Variants in ANO6 observed in about 807,000 individuals in gnomAD.
ANO6 encodes the protein anoctamin-6.
A neutral mutation model predicts 117.5 loss-of-function variants in ANO6; 106 were observed. The ratio of observed to expected loss-of-function variants is 0.90; its 90% CI spans 0.77 to 1.06. The LOEUF (loss-of-function observed/expected upper bound fraction) is 1.06, where lower values mean the gene tolerates loss of function less well. Among genes scored for constraint, ANO6 ranks in the 50% least tolerant of loss-of-function variants. The pLI is 0.00. For missense variants in ANO6, 955 were observed against 1,121.1 expected (o/e 0.85, Z 2.12); for synonymous variants, 367 against 385.1 (o/e 0.95, Z 0.55).
chr12:45,276,196 A>G (rs1168974272), intron 1 of ANO6, among the ~76,000 whole-genome samples: 2 of 152,122 alleles, frequency 1.3e-5, no homozygotes, highest in Non-Finnish European at 2.9e-5. Flanking sequence ...CAGTACTTCT[A>G]CCTTCAAAAT....
At chr12:45,331,196 CTT>C (rs1940649913) in intron 2 of ANO6, 97 bp from the exon 3 acceptor site, 5 of 1,110,336 alleles carry the variant, frequency 4.5e-6, no homozygotes, top group Non-Finnish European at 6.5e-6. Context: ...ATGTATTTCT[CTT>C]TCACAATAAA....
At position 45,388,327 on chromosome 12, in the gene ANO6, C is replaced by CA. The variant is rs754782596; in HGVS notation, c.1308+25dup. Reference sequence around the variant, plus strand: ...AGGTAAGCAGGGTCGTATTTAGGTGCAGTTTAATCTACTTACTGCTGTGGT... The same window carrying CA: ...AGGTAAGCAGGGTCGTATTTAGGTGCAAGTTTAATCTACTTACTGCTGTGGT... On this transcript the variant is annotated intron_variant, in intron 11 of 19. Transcript: ENST00000320560. 2.5e-6 allele frequency: 4 copies of CA among 1,613,230 alleles called. No homozygotes were observed. The African/African-American group carries it at 5.3e-5, about 22-fold the overall frequency.
exon 20 of ANO6, chr12:45,440,250 T>C: frequency 5.5e-6 from 1 of 181,586 alleles, no homozygotes; most frequent in Non-Finnish European, 1.1e-5. Context: ...TTCTTTTTTC[T>C]TTTTTTTGAG....
intron 1 of ANO6, among the ~76,000 whole-genome samples, chr12:45,248,373 G>T (rs896296363): frequency 2.0e-5 from 3 of 150,328 alleles, no homozygotes; most frequent in African/African-American, 7.4e-5. Flanking sequence ...TTTCTTCTGT[G>T]TGCATAAGGA....
intron 7 of ANO6, among the ~76,000 whole-genome samples, chr12:45,352,507 G>T (rs557919520): frequency 5.4e-5 from 8 of 148,500 alleles, no homozygotes; most frequent in Non-Finnish European, 1.0e-4. Context: ...CAGGATGATC[G>T]CTTGAGGCCA....
chr12:45,367,670 T>C lies in ANO6; in HGVS notation c.999-18T>C. 1 of 1,603,786 alleles carries C rather than the reference T, an allele frequency of 6.2e-7. No individual in the cohort carries two copies. The highest frequency in any genetic ancestry group is 8.5e-7 in the Non-Finnish European group (1 of 1,172,342). On this transcript the variant is annotated intron_variant, in intron 8 of 19. Transcript: ENST00000320560. ...GCTTTAAATTTTTTAAAATTAAGTTTTATTTCTCTCTTTTTAGCAAAGAAG... is the reference window on the plus strand; with the variant it reads ...GCTTTAAATTTTTTAAAATTAAGTTCTATTTCTCTCTTTTTAGCAAAGAAG...
Position 45,390,507 on chromosome 12 carries a change from A to G in ANO6, c.1386+9A>G. 6.2e-7 allele frequency: 1 copy of G among 1,610,288 alleles called. No individual in the cohort carries two copies. Among genetic ancestry groups the G allele is most frequent in the Non-Finnish European group, 8.5e-7 (1 of 1,176,854 alleles). ...GTGCTGTCTTTTTCTGGGTAATTCT[A>G]TCACAAAAATGTTTTGAATGATTAA... On this transcript the variant is annotated intron_variant, in intron 12 of 19. Coordinates refer to ENST00000320560, the MANE Select transcript of ANO6 (RefSeq NM_001025356.3).
chr12:45,311,233 TTAAAG>T (rs1020309288), intron 2 of ANO6, among the ~76,000 whole-genome samples: 1 of 151,994 alleles, frequency 6.6e-6, no homozygotes, highest in Non-Finnish European at 1.5e-5. Flanking sequence ...TCAATATGAA[TTAAAG>T]TAAATTCCTG....
intron 1 of ANO6, among the ~76,000 whole-genome samples, chr12:45,221,681 G>A (rs189229917): frequency 1.3e-3 from 200 of 152,114 alleles, no homozygotes; most frequent in Admixed American, 3.2e-3. Context: ...GCCTGCAGTG[G>A]TCATGGAATA....
chr12:45,331,424 G>C lies in ANO6; in HGVS notation c.279+1G>C, dbSNP rs746802648. ...AAAGGGTACAAATGAAAAACAAAGG[G>C]TAAGTTTTTATGCTATTTTCCTTTC... On this transcript the variant is annotated splice_donor_variant, in intron 3 of 19. Transcript: ENST00000320560. LOFTEE classifies it high-confidence loss of function. The C allele has an allele frequency of 1.2e-6, 2 of 1,600,958 alleles. No individual in the cohort carries two copies. The highest frequency in any genetic ancestry group is 2.3e-5 in the South Asian group (2 of 88,204).
intron 1 of ANO6, among the ~76,000 whole-genome samples, chr12:45,240,771 G>T (rs1162083008): frequency 1.3e-5 from 2 of 152,220 alleles, no homozygotes; most frequent in East Asian, 1.9e-4. Flanking sequence ...CTCAGCATTT[G>T]CTTGTCTGTA....
rs1183354376 is a variant in ANO6, at chr12:45,265,608, CTT to C, written c.71-36404_71-36403del. Among the ~76,000 whole-genome samples, 3 of 152,280 alleles carry C rather than the reference CTT, an allele frequency of 2.0e-5. No homozygotes were observed. In the East Asian group the frequency reaches 5.8e-4, roughly 29 times the overall value. On this transcript the variant is annotated intron_variant, in intron 1 of 19. Coordinates refer to ENST00000320560, the MANE Select transcript of ANO6 (RefSeq NM_001025356.3). The stretch of plus-strand genomic sequence containing the variant: ...TATTTTACAGATTAGGAAGCTGAGA[CTT>C]TACCCAGCTGATCATCCAGTTAACC...
intron 2 of ANO6, among the ~76,000 whole-genome samples, chr12:45,310,639 C>T (rs543266089): frequency 6.6e-6 from 1 of 152,044 alleles, no homozygotes; most frequent in Non-Finnish European, 1.5e-5. Context: ...CTGGTGAAGT[C>T]TACAGAAGCT....
At chr12:45,381,818 G>A (rs1347518422) in intron 10 of ANO6, among the ~76,000 whole-genome samples, 1 of 152,072 alleles carries the variant, frequency 6.6e-6, no homozygotes, top group Non-Finnish European at 1.5e-5. Context: ...GACATCCACT[G>A]TTCTTCCCTT....
rs1191886935 is a variant in ANO6, at chr12:45,430,513, A to G, written c.*1202A>G. The G allele has an allele frequency of 8.1e-6, 8 of 985,470 alleles. 1 individual carries two copies. In the East Asian group the frequency reaches 5.7e-4, roughly 70 times the overall value. 61.0% of individuals were successfully genotyped at this position (985,470 alleles called of 1,614,324 possible). ...TCCTCCATCCTGTTACTCTGGGCCC[A>G]GTAATTTGATGTAACTGTCTGATTG... On this transcript the variant is annotated 3_prime_UTR_variant, in exon 20 of 20. Transcript: ENST00000320560.
chr12:45,334,886 GAACTGCT>G (rs1940780742), intron 3 of ANO6, among the ~76,000 whole-genome samples: 1 of 151,936 alleles, frequency 6.6e-6, no homozygotes, highest in African/African-American at 2.4e-5. Context: ...CTTTCTTCCA[GAACTGCT>G]AACAATCGGC....
intron 1 of ANO6, among the ~76,000 whole-genome samples, chr12:45,265,012 T>C (rs892946453): frequency 1.3e-5 from 2 of 152,196 alleles, no homozygotes; most frequent in South Asian, 4.1e-4. Flanking sequence ...CTCTGTCATT[T>C]ATGAGTGAAA....
chr12:45,217,182 A>G (rs182158697), intron 1 of ANO6, among the ~76,000 whole-genome samples: 166 of 152,254 alleles, frequency 1.1e-3, no homozygotes, highest in Admixed American at 1.7e-3. Context: ...GAGGAAGGGG[A>G]AAGGAATGAG....
intron 9 of ANO6, among the ~76,000 whole-genome samples, chr12:45,376,454 A>G (rs1387237278): frequency 7.6e-6 from 1 of 131,374 alleles, no homozygotes; most frequent in Non-Finnish European, 1.6e-5. Flanking sequence ...AACCAACCCA[A>G]ATGTCCAACA....
Sources: allele counts gnomAD v4.1 joint callset (sites outside exome capture counted in the v4.1 genomes callset), GRCh38; gene constraint gnomAD v4.1.1; transcripts MANE v1.5; gene names NCBI Gene and HGNC (gene_info 2026-07-23, HGNC 2026-07-21).